Variants in XYLT1 observed in about 807,000 individuals in gnomAD.
XYLT1 encodes beta-D-xylosyltransferase 1.
XYLT1 carries 36 observed loss-of-function variants against 91.3 expected under a neutral mutation model. The ratio of observed to expected loss-of-function variants is 0.39; its 90% CI spans 0.30 to 0.52. XYLT1 has a LOEUF of 0.52. Among genes scored for constraint, XYLT1 ranks in the 20% least tolerant of loss-of-function variants. XYLT1 has a pLI of 0.68. For missense variants in XYLT1, 1,242 were observed against 1,284.5 expected, an observed-to-expected ratio of 0.97 and a Z score of 0.51; for synonymous variants, 588 against 532.0, an observed-to-expected ratio of 1.11 and a Z score of -1.45.
intron 1 of XYLT1, among the ~76,000 whole-genome samples, chr16:17,429,485 A>AT (rs1160456185): frequency 1.3e-5 from 2 of 152,326 alleles, no homozygotes; most frequent in African/African-American, 4.8e-5. Flanking sequence ...AAATGGCTAC[A>AT]TTAAGTTGTA....
chr16:17,239,673 T>C (rs28613596), intron 3 of XYLT1, among the ~76,000 whole-genome samples: 13,168 of 149,984 alleles, frequency 0.088, 1,825 homozygotes, highest in African/African-American at 0.3. Flanking sequence ...ATGTTCCTAG[T>C]CCATTCATCC....
chr16:17,157,350 A>G (rs191308084), intron 6 of XYLT1, among the ~76,000 whole-genome samples: 1 of 152,188 alleles, frequency 6.6e-6, no homozygotes, highest in East Asian at 1.9e-4. Context: ...AGCCAAAATG[A>G]CACTCCCACC....
rs869095502 is a variant in XYLT1 at position 17,115,312 on chromosome 16, T to TAAAAA, written c.2557+2329_2557+2333dup. Among the ~76,000 whole-genome samples the TAAAAA allele has an allele frequency of 1.1e-3, 55 of 48,834 alleles. 2 individuals carry two copies. Among genetic ancestry groups the TAAAAA allele is most frequent in the African/African-American group, 1.3e-3 (19 of 14,920 alleles). The allele number at this position is 48,834 out of a possible 152,430, so 32.0% of individuals were successfully genotyped here. On this transcript the variant is annotated intron_variant, in intron 11 of 11. Transcript: ENST00000261381. ...CAGACCACACAACCACAAAAATAGT[T>TAAAAA]AAAAAAAAAAAAAAAAAAAAAAAAA... is the stretch of plus-strand genomic sequence containing the variant.
At chr16:17,145,932 T>G (rs1288891892) in intron 6 of XYLT1, among the ~76,000 whole-genome samples, 4 of 152,194 alleles carry the variant, frequency 2.6e-5, no homozygotes, top group Non-Finnish European at 5.9e-5. Context: ...CAGGTAGCCT[T>G]TATTCTCACT....
rs531352438 is a variant in XYLT1 at position 17,182,690 on chromosome 16, G to T, written c.1289+15522C>A. Reference sequence around the variant, plus strand: ...TGCTTTGAAACAATTAGGCATATGTGGGGGGTGGGGTGGGGGGAGGGACAG... The same window carrying T: ...TGCTTTGAAACAATTAGGCATATGTTGGGGGTGGGGTGGGGGGAGGGACAG... On this transcript the variant is annotated intron_variant, in intron 5 of 11. Coordinates refer to ENST00000261381, the MANE Select transcript of XYLT1 (RefSeq NM_022166.4). Among the ~76,000 whole-genome samples, 7 of 134,274 alleles carry T rather than the reference G, an allele frequency of 5.2e-5. No individual in the cohort carries two copies. The South Asian group carries it at 1.7e-3, about 33-fold the overall frequency. 88.1% of individuals were successfully genotyped at this position (134,274 alleles called of 152,430 possible).
chr16:17,306,793 T>C (rs2034477770), intron 2 of XYLT1, among the ~76,000 whole-genome samples: 1 of 152,070 alleles, frequency 6.6e-6, no homozygotes, highest in Admixed American at 6.6e-5. Context: ...CTTGGGAATT[T>C]TGAGTTTCCT....
At chr16:17,377,467 G>A (rs964482384) in intron 1 of XYLT1, among the ~76,000 whole-genome samples, 1 of 152,070 alleles carries the variant, frequency 6.6e-6, no homozygotes, top group South Asian at 2.1e-4. Flanking sequence ...TGTTTGGCGG[G>A]ACAGCCAGCC....
At chr16:17,255,706 C>T (rs2033620299) in intron 3 of XYLT1, among the ~76,000 whole-genome samples, 1 of 152,084 alleles carries the variant, frequency 6.6e-6, no homozygotes, top group Non-Finnish European at 1.5e-5. Flanking sequence ...CTAAATCTTT[C>T]TATTTAAAAG....
chr16:17,264,110 T>C (rs1293672675), intron 2 of XYLT1, among the ~76,000 whole-genome samples: 3 of 152,194 alleles, frequency 2.0e-5, no homozygotes, highest in African/African-American at 7.2e-5. Context: ...TTGTTGTATA[T>C]TGTTGCATGT....
intron 1 of XYLT1, among the ~76,000 whole-genome samples, chr16:17,459,862 A>T (rs2036793185): frequency 6.6e-6 from 1 of 152,130 alleles, no homozygotes; most frequent in Non-Finnish European, 1.5e-5. Flanking sequence ...GGAAATTTCC[A>T]GTGGATTTCA....
At chr16:17,333,588 TTTA>T (rs1219699792) in intron 2 of XYLT1, among the ~76,000 whole-genome samples, 17 of 48,212 alleles carry the variant, frequency 3.5e-4, no homozygotes, top group African/African-American at 1.4e-3. Context: ...ATTAATTTAA[TTTA>T]TTTTTTTTTT....
chr16:17,353,709 GT>G (rs2035251901), intron 2 of XYLT1, among the ~76,000 whole-genome samples: 1 of 138,904 alleles, frequency 7.2e-6, no homozygotes, highest in Non-Finnish European at 1.7e-5. Context: ...GCTAGGCACT[GT>G]CTATCTGTCC....
intron 6 of XYLT1, among the ~76,000 whole-genome samples, chr16:17,158,314 C>G (rs982485405): frequency 2.0e-5 from 3 of 152,200 alleles, no homozygotes; most frequent in Admixed American, 1.3e-4. Flanking sequence ...GGGCTGGGAT[C>G]AGGACCCCTG....
intron 5 of XYLT1, among the ~76,000 whole-genome samples, chr16:17,195,386 G>A (rs536611541): frequency 6.6e-6 from 1 of 151,956 alleles, no homozygotes; most frequent in East Asian, 1.9e-4. Flanking sequence ...CTGACCTCCT[G>A]CTTATGGCCC....
intron 5 of XYLT1, among the ~76,000 whole-genome samples, chr16:17,186,694 G>A (rs1238213606): frequency 6.6e-6 from 1 of 152,104 alleles, no homozygotes; most frequent in Non-Finnish European, 1.5e-5. Flanking sequence ...CAGGGATGGT[G>A]TCTGTCCTGC....
At chr16:17,261,604 C>G (rs1044363728) in intron 2 of XYLT1, among the ~76,000 whole-genome samples, 1 of 152,206 alleles carries the variant, frequency 6.6e-6, no homozygotes, top group Non-Finnish European at 1.5e-5. Flanking sequence ...ACCACAAGAT[C>G]TGGCCCCTCC....
chr16:17,382,735 C>T (rs932516662), intron 1 of XYLT1, among the ~76,000 whole-genome samples: 1 of 151,850 alleles, frequency 6.6e-6, no homozygotes, highest in Non-Finnish European at 1.5e-5. Flanking sequence ...CACACATGCT[C>T]CAGATAACAG....
intron 1 of XYLT1, among the ~76,000 whole-genome samples, chr16:17,402,243 C>T (rs548315109): frequency 3.3e-5 from 5 of 151,812 alleles, no homozygotes; most frequent in Non-Finnish European, 7.4e-5. Context: ...TCCCTTGAGC[C>T]GGTGAGGTCA....
At chr16:17,280,212 A>T (rs913474113) in intron 2 of XYLT1, among the ~76,000 whole-genome samples, 1 of 152,176 alleles carries the variant, frequency 6.6e-6, no homozygotes, top group Non-Finnish European at 1.5e-5. Flanking sequence ...TTATCCAGGC[A>T]TGGCGGCAGC....
Sources: gnomAD v4.1 joint callset for allele counts (sites outside exome capture counted in the v4.1 genomes callset) on GRCh38, gnomAD v4.1.1 for gene constraint, MANE v1.5 for transcripts, NCBI Gene and HGNC (gene_info 2026-07-23, HGNC 2026-07-21) for gene names.